The following UPF2 variants were observed in gnomAD, a reference collection of about 807,000 sequenced individuals.
The protein encoded by UPF2 is regulator of nonsense transcripts 2.
In UPF2, 17 loss-of-function variants were observed where a neutral mutation model predicts 141.4. The observed-to-expected ratio is 0.12, with a 90% confidence interval of 0.08 to 0.18. The LOEUF (loss-of-function observed/expected upper bound fraction) is 0.18. Among genes scored for constraint, UPF2 ranks in the 10% least tolerant of loss-of-function variants. The probability of loss-of-function intolerance (pLI) is 1.00; values close to 1 mark genes in which losing one functional copy is unlikely to be tolerated. For missense variants in UPF2, 1,152 were observed against 1,515.9 expected (o/e 0.76, Z 3.99); for synonymous variants, 540 against 498.0 (o/e 1.08, Z -1.12).
At position 12,014,054 on chromosome 10, in the gene UPF2, C is replaced by G. The variant is rs758166296; in HGVS notation, c.1276G>C (p.Asp426His). 4 of 1,581,906 alleles carry G rather than the reference C, an allele frequency of 2.5e-6. No individual in the cohort carries two copies. Among genetic ancestry groups the G allele is most frequent in the Non-Finnish European group, 3.4e-6 (4 of 1,163,644 alleles). Residue 426 changes from aspartate (D) to histidine (H), a missense_variant, in exon 4 of 22, where the codon GAT becomes CAT. Asp to His is a moderately conservative substitution (Grantham distance 81). Coordinates refer to ENST00000357604, the MANE Select transcript of UPF2 (RefSeq NM_015542.4). This position sits in a 1 kb window ranked among gnomAD's most constrained non-coding sequence, Gnocchi z 5.0. ...GGTGTTGGTTTGTCTTGAGGAAGATCTGGCATATTTTCATCCAAAAGGTCT... is the reference window on the plus strand; with the variant it reads ...GGTGTTGGTTTGTCTTGAGGAAGATGTGGCATATTTTCATCCAAAAGGTCT... The part of the protein sequence containing the change: ...LADLLDENMP[D>H]LPQDKPTPEE...
At chr10:12,035,631 G>C in intron 1 of UPF2, 190 bp from the exon 2 acceptor site, 1 of 604,138 alleles carries the variant, frequency 1.7e-6, no homozygotes, top group Non-Finnish European at 2.5e-6. Flanking sequence ...ATCATTATTA[G>C]TTAGGCCTAT....
At chr10:11,941,802 A>G (rs1832939928) in intron 18 of UPF2, among the ~76,000 whole-genome samples, 1 of 152,260 alleles carries the variant, frequency 6.6e-6, no homozygotes, top group Non-Finnish European at 1.5e-5. Flanking sequence ...TAAGCAGTCT[A>G]AGATTTTGTC....
intron 21 of UPF2, among the ~76,000 whole-genome samples, chr10:11,926,381 G>C (rs925645770): frequency 2.0e-5 from 3 of 152,198 alleles, no homozygotes; most frequent in African/African-American, 7.2e-5. Context: ...GACCTGGATG[G>C]AAGTCAGGCC....
intron 18 of UPF2, among the ~76,000 whole-genome samples, chr10:11,938,654 A>C (rs909688127): frequency 6.6e-6 from 1 of 151,716 alleles, no homozygotes; most frequent in Non-Finnish European, 1.5e-5. Flanking sequence ...AAAAAAAAAA[A>C]CTAGATCATT....
At chr10:11,987,489 G>A (rs1481062322) in intron 8 of UPF2, among the ~76,000 whole-genome samples, 5 of 152,112 alleles carry the variant, frequency 3.3e-5, no homozygotes, top group African/African-American at 2.4e-5. Context: ...TGGGCACGGA[G>A]GCTCCTGCCT....
At chr10:12,034,327 ATTTTTTT>A (rs879908366) in intron 2 of UPF2, among the ~76,000 whole-genome samples, 2 of 151,054 alleles carry the variant, frequency 1.3e-5, no homozygotes, top group East Asian at 2.0e-4. Context: ...TTATTATTTT[ATTTTTTT>A]TTTTTTGAGA....
intron 12 of UPF2, among the ~76,000 whole-genome samples, chr10:11,957,215 G>C (rs57558708): frequency 6.6e-6 from 1 of 151,954 alleles, no homozygotes; most frequent in South Asian, 2.1e-4. Flanking sequence ...GATAATCTGA[G>C]GTCAGGAGTT....
At chr10:12,018,459 T>G (rs1008672400) in intron 3 of UPF2, among the ~76,000 whole-genome samples, 1 of 151,944 alleles carries the variant, frequency 6.6e-6, no homozygotes, top group African/African-American at 2.4e-5. Context: ...CATGCACCTG[T>G]AATCCCAGCT....
intron 18 of UPF2, among the ~76,000 whole-genome samples, chr10:11,938,867 T>TTTTTTTTTTTTTTG (rs1832896184): frequency 5.8e-5 from 6 of 103,376 alleles, no homozygotes; most frequent in Admixed American, 1.1e-4. Flanking sequence ...TTTTTTTTTT[T>TTTTTTTTTTTTTTG]TTTTTTTTTT....
At position 11,931,829 on chromosome 10, in the gene UPF2, G is replaced by A. The variant is rs1257419773; in HGVS notation, c.3547-47C>T. On this transcript the variant is annotated intron_variant, in intron 19 of 21. Transcript: ENST00000357604. This position sits in a 1 kb window ranked among gnomAD's most constrained non-coding sequence, Gnocchi z 5.9. ...GTTACAAATAGTTTGAGAACACTGA[G>A]AGAAAGAAAAAACAGACTTCAAATA... is the stretch of plus-strand genomic sequence containing the variant. 3.2e-6 allele frequency: 5 copies of A among 1,559,608 alleles called. No individual in the cohort carries two copies. Among genetic ancestry groups the A allele is most frequent in the Admixed American group, 2.1e-5 (1 of 46,740 alleles).
Position 11,936,758 on chromosome 10 carries a change from C to T in UPF2, c.3379-46G>A, listed in dbSNP as rs77186574. ...CATAATAAACACTCCAAGATATATA[C>T]GGATATATGTCAATATAAATTGCAA... On this transcript the variant is annotated intron_variant, in intron 18 of 21. Transcript: ENST00000357604. The surrounding 1 kb of genome is among the most constrained non-coding windows in gnomAD (Gnocchi z 6.6). The T allele has an allele frequency of 2.0e-3, 3,018 of 1,513,524 alleles. 68 individuals carry two copies. The East Asian group carries it at 0.055, about 27-fold the overall frequency. The allele number at this position is 1,513,524 out of a possible 1,614,324, so 93.8% of individuals were successfully genotyped here.
rs769799807 is a variant in UPF2, at chr10:12,004,703, A to C, written c.1331T>G (p.Phe444Cys). 1 of 1,613,552 alleles carries C rather than the reference A, an allele frequency of 6.2e-7. No individual in the cohort carries two copies. Among genetic ancestry groups the C allele is most frequent in the Non-Finnish European group, 8.5e-7 (1 of 1,179,786 alleles). Residue 444 changes from phenylalanine to cysteine, a missense_variant, in exon 5 of 22, where the codon TTC (phenylalanine) becomes TGC (cysteine). Around this residue, in one of 4 missense-constraint regions of UPF2, gnomAD observed 739 missense variants for 1,032.2 expected, o/e 0.72. Coordinates refer to ENST00000357604, the MANE Select transcript of UPF2 (RefSeq NM_015542.4). ...ATATTCTCCAGGTTTACCAGGTGTGAATATATCAATTCCAGGCCCATGTTC... is the reference window on the plus strand; with the variant it reads ...ATATTCTCCAGGTTTACCAGGTGTGCATATATCAATTCCAGGCCCATGTTC... ...PEEHGPGIDI[F>C]TPGKPGEYDL...
At chr10:11,999,380 G>C (rs1833916459) in intron 7 of UPF2, among the ~76,000 whole-genome samples, 1 of 151,796 alleles carries the variant, frequency 6.6e-6, no homozygotes, top group Admixed American at 6.6e-5. Flanking sequence ...CGGCATGATG[G>C]CGCGTGCCTG....
At chr10:11,929,224 T>C (rs1236974748) in intron 21 of UPF2, among the ~76,000 whole-genome samples, 1 of 152,240 alleles carries the variant, frequency 6.6e-6, no homozygotes, top group African/African-American at 2.4e-5. Context: ...TTTTAGTTTT[T>C]GTAAACATCG....
intron 8 of UPF2, among the ~76,000 whole-genome samples, chr10:11,987,030 T>C (rs1177480408): frequency 6.6e-6 from 1 of 152,240 alleles, no homozygotes; most frequent in East Asian, 1.9e-4. Context: ...ATCTATACTT[T>C]AAACATAAGG....
In UPF2 at chr10:12,028,993, C is replaced by T; in HGVS notation, c.897G>A (p.Arg299=). 6.2e-7 allele frequency: 1 copy of T among 1,614,108 alleles called. No individual in the cohort carries two copies. The highest frequency in any genetic ancestry group is 8.5e-7 in the Non-Finnish European group (1 of 1,180,026). Residue 299 remains arginine, a synonymous_variant, in exon 3 of 22, where the codon CGG becomes CGA. Coordinates refer to ENST00000357604, the MANE Select transcript of UPF2 (RefSeq NM_015542.4). ...EQLKNIINAD[R]ESHTHVSVVI... The stretch of plus-strand genomic sequence containing the variant: ...CTACAGAGACATGAGTGTGGGACTC[C>T]CGATCAGCATTAATAATATTTTTTA...
chr10:11,954,589 G>A (rs960482191), intron 14 of UPF2, among the ~76,000 whole-genome samples: 1 of 148,598 alleles, frequency 6.7e-6, no homozygotes, highest in Non-Finnish European at 1.5e-5. Context: ...AGCTGAGATT[G>A]CACCACTGCA....
Position 11,943,059 on chromosome 10 carries a change from C to T in UPF2, c.3279+5G>A, listed in dbSNP as rs2131171421. 6.3e-7 allele frequency: 1 copy of T among 1,597,336 alleles called. No homozygotes were observed. The highest frequency in any genetic ancestry group is 8.6e-7 in the Non-Finnish European group (1 of 1,167,886). ...TCAAAAAGTAAATTTTTCAGCCATA[C>T]GTACAGTATTCTCTTCATCGGTTTC... On this transcript the variant is annotated splice_donor_5th_base_variant and intron_variant, in intron 17 of 21. Transcript: ENST00000357604.
chr10:12,028,541 A>T (rs750490707), intron 3 of UPF2, among the ~76,000 whole-genome samples: 4 of 152,192 alleles, frequency 2.6e-5, no homozygotes, highest in East Asian at 1.9e-4. Flanking sequence ...AGATTTTTTT[A>T]AAATCAGAAA....
Sources: gnomAD v4.1 joint callset for allele counts (sites outside exome capture counted in the v4.1 genomes callset) on GRCh38, gnomAD v4.1.1 for gene constraint, gnomAD v4.1.1 regional missense constraint, Gnocchi (gnomAD v3.1) non-coding constraint, MANE v1.5 for transcripts, NCBI Gene and HGNC (gene_info 2026-07-23, HGNC 2026-07-21) for gene names.